GEMIN8: variants seen among roughly 807,000 people sequenced by gnomAD.
GEMIN8 encodes gem-associated protein 8.
For missense variants in GEMIN8, 185 were observed against 205.9 expected (o/e 0.90, Z 0.62); for synonymous variants, 80 against 78.5 (o/e 1.02, Z -0.10).
At chrX:14,016,867 ATATATAT>A (rs1400727568) in intron 4 of GEMIN8, among the ~76,000 whole-genome samples, 14 of 40,910 alleles carry the variant, frequency 3.4e-4, no homozygotes, top group African/African-American at 1.2e-3. Flanking sequence ...AAAAAAAAAA[ATATATAT>A]ATATATATAT....
chrX:14,008,801 A>G lies in GEMIN8; in HGVS notation c.*112T>C. Reference sequence around the variant, plus strand: ...CAGGCCCACTGGGACTGTGGTGAACATGCCTGTACCCCAGTACAAAGTCCC... The same window carrying G: ...CAGGCCCACTGGGACTGTGGTGAACGTGCCTGTACCCCAGTACAAAGTCCC... On this transcript the variant is annotated 3_prime_UTR_variant, in exon 5 of 5. Transcript: ENST00000680255. The G allele has an allele frequency of 4.0e-6, 3 of 753,170 alleles. No individual in the cohort carries two copies. In the East Asian group the frequency reaches 9.5e-5, roughly 24 times the overall value. 62.1% of individuals were successfully genotyped at this position (753,170 alleles called of 1,213,427 possible). A position where few individuals can be genotyped will look rare whatever the true frequency, so the allele number is the denominator to read the frequency against.
rs149180900 is a variant in GEMIN8 at position 14,013,490 on chromosome X, A to G, written c.473-4321T>C. On this transcript the variant is annotated intron_variant, in intron 4 of 4. Transcript: ENST00000680255. ...CAAATCCATGTCCACCTGGAACCACAGAAGGTGACCTTATTTGGAAATAGG... is the reference window on the plus strand; with the variant it reads ...CAAATCCATGTCCACCTGGAACCACGGAAGGTGACCTTATTTGGAAATAGG... Among the ~76,000 whole-genome samples the G allele has an allele frequency of 3.9e-3, 434 of 112,598 alleles. 8 individuals carry two copies. In the East Asian group the frequency reaches 0.081, roughly 21 times the overall value.
the GEMIN8 span, among the ~76,000 whole-genome samples, chrX:13,989,757 C>G: frequency 3.6e-5 from 4 of 112,460 alleles, no homozygotes; most frequent in Non-Finnish European, 7.5e-5. Flanking sequence ...TTTGAAACAG[C>G]CTGCGCCTTA....
the GEMIN8 span, among the ~76,000 whole-genome samples, chrX:13,997,170 G>C: frequency 8.1e-5 from 9 of 110,451 alleles, no homozygotes; most frequent in Non-Finnish European, 1.5e-4. Flanking sequence ...TCAATCTCCT[G>C]AACTCGTGAT....
intron 3 of GEMIN8, 84 bp from the exon 4 acceptor site, chrX:14,020,618 C>T (rs902230942): frequency 4.8e-6 from 3 of 630,533 alleles, no homozygotes; most frequent in Non-Finnish European, 7.5e-6. Context: ...ATCTGCTACC[C>T]AACAGGTATT....
the GEMIN8 span, among the ~76,000 whole-genome samples, chrX:13,986,039 T>C: frequency 8.9e-6 from 1 of 112,304 alleles, no homozygotes; most frequent in African/African-American, 3.2e-5. Flanking sequence ...ATTTAGTAAC[T>C]ACTGCTATTT....
chrX:14,000,135 T>C, the GEMIN8 span, among the ~76,000 whole-genome samples: 1 of 107,709 alleles, frequency 9.3e-6, no homozygotes, highest in Non-Finnish European at 1.9e-5. Flanking sequence ...TGAGGCCCCA[T>C]CTCTTAAAAA....
chrX:14,001,448 A>C, the GEMIN8 span, among the ~76,000 whole-genome samples: 1 of 112,301 alleles, frequency 8.9e-6, no homozygotes, highest in African/African-American at 3.2e-5. Flanking sequence ...CAATTTGTCC[A>C]AGTTAGGACA....
chrX:14,009,052 C>T lies in GEMIN8; in HGVS notation c.590G>A (p.Arg197His), dbSNP rs748199784. The change falls in exon 5 of 5, where the codon CGC (arginine) becomes CAC (histidine). Residue 197 changes from arginine to histidine, a missense_variant. Arg to His is a conservative substitution (Grantham distance 29). Coordinates refer to ENST00000680255, the MANE Select transcript of GEMIN8 (RefSeq NM_001042479.2). Reference sequence around the variant, plus strand: ...GTACAAACGCTTCATCTCGGCCTGGCGCCGCTCACCAGGCCTCTCAGTTGG... The same window carrying T: ...GTACAAACGCTTCATCTCGGCCTGGTGCCGCTCACCAGGCCTCTCAGTTGG... Reference protein sequence around the residue: ...EAPTERPGERRQAEMKRLYGD... With the variant: ...EAPTERPGERHQAEMKRLYGD... The T allele has an allele frequency of 1.2e-5, 15 of 1,210,317 alleles. No homozygotes were observed. The highest frequency in any genetic ancestry group is 1.8e-5 in the South Asian group (1 of 56,875).
chrX:14,013,815 G>T, intron 4 of GEMIN8: 1 of 166,655 alleles, frequency 6.0e-6, no homozygotes, highest in Non-Finnish European at 9.7e-6. Flanking sequence ...AATCCACCCA[G>T]GTTGTGTAAT....
chrX:14,011,269 A>G (rs999123251), intron 4 of GEMIN8, among the ~76,000 whole-genome samples: 1 of 111,352 alleles, frequency 9.0e-6, no homozygotes, highest in African/African-American at 3.3e-5. Flanking sequence ...GGCAGTACAG[A>G]CTGGTGAGAT....
At chrX:13,992,963 T>G in the GEMIN8 span, among the ~76,000 whole-genome samples, 1 of 111,136 alleles carries the variant, frequency 9.0e-6, no homozygotes, top group Non-Finnish European at 1.9e-5. Context: ...GGCTTTCTGA[T>G]AGGTTGGTTG....
chrX:14,004,782 C>T (rs1923085161), downstream of GEMIN8, among the ~76,000 whole-genome samples: 1 of 111,429 alleles, frequency 9.0e-6, no homozygotes, highest in Admixed American at 9.5e-5. Flanking sequence ...AGGCTGGTCT[C>T]GAACTCCTGG....
At chrX:14,018,700 T>C (rs891121945) in intron 4 of GEMIN8, among the ~76,000 whole-genome samples, 1 of 111,791 alleles carries the variant, frequency 8.9e-6, no homozygotes, top group Non-Finnish European at 1.9e-5. Flanking sequence ...GAAAGTACTG[T>C]CTTAAAAGTA....
In GEMIN8 at chrX:14,021,500, T is replaced by G. The variant is rs369705998; in HGVS notation, c.-22A>C. ...CCATCTCTGATTGTGAAAGTCCAAATGGGTGCTGAAACTAGGAAAGAAGAA... is the reference window on the plus strand; with the variant it reads ...CCATCTCTGATTGTGAAAGTCCAAAGGGGTGCTGAAACTAGGAAAGAAGAA... On this transcript the variant is annotated 5_prime_UTR_variant, in exon 3 of 5. Transcript: ENST00000680255. 3 of 1,163,872 alleles carry G rather than the reference T, an allele frequency of 2.6e-6. No homozygotes were observed. The highest frequency in any genetic ancestry group is 1.2e-6 in the Non-Finnish European group (1 of 853,979).
the GEMIN8 span, among the ~76,000 whole-genome samples, chrX:13,990,434 G>A: frequency 1.8e-5 from 2 of 112,397 alleles, no homozygotes; most frequent in Non-Finnish European, 3.8e-5. Flanking sequence ...ATTTCTCTAC[G>A]AATTCCTGCC....
the GEMIN8 span, among the ~76,000 whole-genome samples, chrX:13,994,521 A>G: frequency 8.9e-6 from 1 of 112,556 alleles, no homozygotes; most frequent in African/African-American, 3.2e-5. Context: ...TGTAATATCC[A>G]TTTCTGATCT....
intron 4 of GEMIN8, among the ~76,000 whole-genome samples, chrX:14,012,861 G>C (rs776510060): frequency 6.3e-5 from 7 of 111,201 alleles, no homozygotes; most frequent in Admixed American, 9.5e-5. Context: ...GGGCTATGGG[G>C]GGGGGCACCA....
intron 4 of GEMIN8, chrX:14,014,254 C>T: frequency 1.3e-6 from 1 of 753,178 alleles, no homozygotes; most frequent in Non-Finnish European, 1.6e-6. Flanking sequence ...TGTAGCACAA[C>T]CGAGGGAAAG....
Sources: gnomAD v4.1 joint callset for allele counts (sites outside exome capture counted in the v4.1 genomes callset) on GRCh38, gnomAD v4.1.1 for gene constraint, MANE v1.5 for transcripts, NCBI Gene and HGNC (gene_info 2026-07-23, HGNC 2026-07-21) for gene names.